KIAA1549L: variants seen among roughly 807,000 people sequenced by gnomAD.
KIAA1549L encodes the protein UPF0606 protein KIAA1549L.
In KIAA1549L, 88 loss-of-function variants were observed where a neutral mutation model predicts 160.7. The ratio of observed to expected loss-of-function variants is 0.55; its 90% CI spans 0.46 to 0.65. The LOEUF is 0.65. KIAA1549L is among the 30% of genes least tolerant of loss of function. The probability of loss-of-function intolerance (pLI) is 0.00; values close to 1 mark genes in which losing one functional copy is unlikely to be tolerated. For synonymous variants in KIAA1549L, 950 were observed against 976.7 expected (o/e 0.97, Z 0.51); for missense variants, 2,258 against 2,437.5 (o/e 0.93, Z 1.55).
intron 11 of KIAA1549L, among the ~76,000 whole-genome samples, chr11:33,589,212 TATC>T (rs1849971751): frequency 1.3e-5 from 2 of 152,310 alleles, no homozygotes; most frequent in South Asian, 4.1e-4. Context: ...CACAATGAGA[TATC>T]ATCTCACACC....
In KIAA1549L at chr11:33,455,947, C is replaced by T. The variant is rs573425469; in HGVS notation, c.238+79058C>T. 3.3e-5 allele frequency among the ~76,000 whole-genome samples: 5 copies of T among 152,182 alleles called. No homozygotes were observed. In the South Asian group the frequency reaches 1.0e-3, roughly 32 times the overall value. ...AAATACTAGCATGTCTTAAATTACCCGGGGAGGAAGTATTCAGCAGCTCCC... is the reference window on the plus strand; with the variant it reads ...AAATACTAGCATGTCTTAAATTACCTGGGGAGGAAGTATTCAGCAGCTCCC... On this transcript the variant is annotated intron_variant, in intron 1 of 20. Transcript: ENST00000658780.
At chr11:33,463,955 G>A (rs946806671) in intron 1 of KIAA1549L, among the ~76,000 whole-genome samples, 4 of 152,124 alleles carry the variant, frequency 2.6e-5, no homozygotes, top group African/African-American at 9.7e-5. Context: ...GGTTGGCAGG[G>A]GCCACATAAA....
chr11:33,599,980 T>C (rs975351629), intron 13 of KIAA1549L, among the ~76,000 whole-genome samples: 2 of 152,194 alleles, frequency 1.3e-5, no homozygotes, highest in Admixed American at 6.5e-5. Flanking sequence ...ATTTTTTTGT[T>C]TTCAAATATC....
At chr11:33,591,515 C>A in intron 12 of KIAA1549L, 94 bp downstream of exon 12, 1 of 1,012,072 alleles carries the variant, frequency 9.9e-7, no homozygotes, top group Non-Finnish European at 1.5e-6. Flanking sequence ...CCACGGTTCT[C>A]TTTAAAAATT....
At chr11:33,566,594 T>C (rs1335432938) in intron 8 of KIAA1549L, among the ~76,000 whole-genome samples, 2 of 152,232 alleles carry the variant, frequency 1.3e-5, no homozygotes, top group Non-Finnish European at 2.9e-5. Context: ...TTATTTGGCA[T>C]TTATGGCTTC....
intron 11 of KIAA1549L, 53 bp downstream of exon 11, chr11:33,583,554 G>T: frequency 6.7e-7 from 1 of 1,492,658 alleles, no homozygotes; most frequent in Non-Finnish European, 9.0e-7. Flanking sequence ...CAGGAGCTCA[G>T]CCTGCCTTTC....
chr11:33,439,599 G>A lies in KIAA1549L; in HGVS notation c.238+62710G>A, dbSNP rs553967869. Among the ~76,000 whole-genome samples the A allele has an allele frequency of 1.0e-3, 139 of 138,656 alleles. 1 individual carries two copies. In the Middle Eastern group the frequency reaches 0.011, roughly 11 times the overall value. 91.0% of individuals were successfully genotyped at this position (138,656 alleles called of 152,430 possible). A position where few individuals can be genotyped will look rare whatever the true frequency, so the allele number is the denominator to read the frequency against. On this transcript the variant is annotated intron_variant, in intron 1 of 20. Coordinates refer to ENST00000658780, the MANE Select transcript of KIAA1549L (RefSeq NM_012194.3). The stretch of plus-strand genomic sequence containing the variant: ...TTTTTTTTTTTTTTTTTTTAGTATA[G>A]ACGGGGTTTCACTGTGTTAGCCAGG...
chr11:33,605,150 T>TTTTTGTTTTG (rs71457310), intron 13 of KIAA1549L, among the ~76,000 whole-genome samples: 28 of 149,932 alleles, frequency 1.9e-4, no homozygotes, highest in East Asian at 1.2e-3. Flanking sequence ...AAGTCATGAG[T>TTTTTGTTTTG]TTTTGTTTTG....
chr11:33,530,556 T>G (rs913592200), intron 1 of KIAA1549L, among the ~76,000 whole-genome samples: 1 of 148,610 alleles, frequency 6.7e-6, no homozygotes, highest in African/African-American at 2.5e-5. Flanking sequence ...GTTCTGTGGT[T>G]GACTTTAAAC....
At chr11:33,416,418 C>G (rs552290835) in intron 1 of KIAA1549L, among the ~76,000 whole-genome samples, 54 of 151,576 alleles carry the variant, frequency 3.6e-4, no homozygotes, top group African/African-American at 1.2e-3. Context: ...GTAGTCGGCT[C>G]TTCATATCTG....
In KIAA1549L at chr11:33,645,888, G is replaced by A. The variant is rs750828261; in HGVS notation, c.5612G>A (p.Arg1871Gln). 6.2e-6 allele frequency: 10 copies of A among 1,613,642 alleles called. No homozygotes were observed. The highest frequency in any genetic ancestry group is 8.5e-6 in the Non-Finnish European group (10 of 1,179,784). The change falls in exon 17 of 21, where the codon CGG (arginine) becomes CAG (glutamine). Residue 1871 changes from arginine to glutamine, a missense_variant. By Grantham distance (43) the Arg-to-Gln change is conservative (BLOSUM62 1). Coordinates refer to ENST00000658780, the MANE Select transcript of KIAA1549L (RefSeq NM_012194.3). ...LASAGHAGQS[R>Q]HQEAYGSAQH... ...TCCGCGGGCCACGCAGGCCAGAGCC[G>A]GCACCAAGAGGCCTACGGCTCAGCC...
At chr11:33,469,235 C>G (rs1421733772) in intron 1 of KIAA1549L, among the ~76,000 whole-genome samples, 2 of 152,140 alleles carry the variant, frequency 1.3e-5, no homozygotes, top group Non-Finnish European at 2.9e-5. Flanking sequence ...CCTTCTGTCT[C>G]TGTGGATTGG....
chr11:33,585,688 T>C (rs1188699253), intron 11 of KIAA1549L, among the ~76,000 whole-genome samples: 1 of 152,212 alleles, frequency 6.6e-6, no homozygotes, highest in Non-Finnish European at 1.5e-5. Flanking sequence ...ATTTATGTTA[T>C]AGATTAAACC....
At chr11:33,439,841 A>T (rs914632338) in intron 1 of KIAA1549L, among the ~76,000 whole-genome samples, 5 of 151,968 alleles carry the variant, frequency 3.3e-5, no homozygotes, top group Middle Eastern at 3.2e-3. Context: ...TTTTCCGGGT[A>T]TGTCTTTCCT....
chr11:33,638,059 A>T (rs547907617), intron 16 of KIAA1549L, among the ~76,000 whole-genome samples: 1 of 152,282 alleles, frequency 6.6e-6, no homozygotes, highest in South Asian at 2.1e-4. Context: ...GCTTTCCCTG[A>T]CCATCCCCAT....
chr11:33,392,192 G>GT (rs1850284008), intron 1 of KIAA1549L, among the ~76,000 whole-genome samples: 1 of 152,206 alleles, frequency 6.6e-6, no homozygotes. Context: ...CAGTTATACA[G>GT]TGCAGTCCTT....
intron 1 of KIAA1549L, among the ~76,000 whole-genome samples, chr11:33,437,612 T>C (rs545724075): frequency 2.6e-5 from 4 of 152,254 alleles, no homozygotes; most frequent in Non-Finnish European, 4.4e-5. Flanking sequence ...GTTTGTCCAG[T>C]GCATGGAATG....
At chr11:33,431,529 C>T (rs1410622761) in intron 1 of KIAA1549L, among the ~76,000 whole-genome samples, 2 of 152,162 alleles carry the variant, frequency 1.3e-5, no homozygotes, top group African/African-American at 4.8e-5. Flanking sequence ...GATTGGTGCA[C>T]TCACAAACCC....
rs1291028468 is a variant in KIAA1549L at position 33,435,788 on chromosome 11, A to ATGTGTG, written c.238+58900_238+58901insGTGTGT. Among the ~76,000 whole-genome samples, 10 of 26,516 alleles carry ATGTGTG rather than the reference A, an allele frequency of 3.8e-4. 1 individual carries two copies. Among genetic ancestry groups the ATGTGTG allele is most frequent in the South Asian group, 3.5e-3 (2 of 578 alleles). The allele number at this position is 26,516 out of a possible 152,430, so 17.4% of individuals were successfully genotyped here. A position where few individuals can be genotyped will look rare whatever the true frequency, so the allele number is the denominator to read the frequency against. On this transcript the variant is annotated intron_variant, in intron 1 of 20. Coordinates refer to ENST00000658780, the MANE Select transcript of KIAA1549L (RefSeq NM_012194.3). Reference sequence around the variant, plus strand: ...TATATATATATATATATATATATATATATATATATATATATATATATATGT... The same window carrying ATGTGTG: ...TATATATATATATATATATATATATATGTGTGTATATATATATATATATATATATGT...
Sources: allele counts gnomAD v4.1 joint callset (sites outside exome capture counted in the v4.1 genomes callset), GRCh38; gene constraint gnomAD v4.1.1; transcripts MANE v1.5; gene names NCBI Gene and HGNC (gene_info 2026-07-23, HGNC 2026-07-21).